The following SRRM3 variants were observed in gnomAD, a reference collection of about 807,000 sequenced individuals.
SRRM3 encodes serine/arginine repetitive matrix 3.
Under a neutral mutation model 66.2 loss-of-function variants are expected in SRRM3, and 27 were observed. The ratio of observed to expected loss-of-function variants is 0.41; its 90% CI spans 0.30 to 0.56. The LOEUF is 0.56. SRRM3 is among the 20% of genes least tolerant of loss of function. SRRM3 has a pLI of 0.32. For missense variants in SRRM3, 918 were observed against 991.9 expected (o/e 0.93, Z 1.00); for synonymous variants, 391 against 414.9 (o/e 0.94, Z 0.70).
intron 1 of SRRM3, among the ~76,000 whole-genome samples, chr7:76,205,088 G>C (rs1267357255): frequency 6.6e-6 from 1 of 151,896 alleles, no homozygotes; most frequent in Admixed American, 6.6e-5. Flanking sequence ...CCAAGGTGTT[G>C]GAACTGAGAA....
Position 76,232,938 on chromosome 7 carries a change from T to C in SRRM3, c.-39-2090T>C, listed in dbSNP as rs548304434. On this transcript the variant is annotated intron_variant, in intron 1 of 14. Transcript: ENST00000611745. ...ACCACAGAGAGGCAGTGGACCTGCA[T>C]GGAGGGAGGAGCTTGGGTCCACGTG... 3.7e-3 allele frequency among the ~76,000 whole-genome samples: 551 copies of C among 148,716 alleles called. 6 individuals are homozygous for C. The highest frequency in any genetic ancestry group is 0.013 in the African/African-American group (527 of 40,318).
intron 1 of SRRM3, among the ~76,000 whole-genome samples, chr7:76,229,743 T>C (rs1800965974): frequency 7.9e-6 from 1 of 126,854 alleles, no homozygotes; most frequent in South Asian, 2.3e-4. Flanking sequence ...TTCTTCTTCT[T>C]TTTTTTTTTT....
chr7:76,274,513 C>T (rs1328267233), intron 11 of SRRM3, among the ~76,000 whole-genome samples: 1 of 152,208 alleles, frequency 6.6e-6, no homozygotes, highest in Non-Finnish European at 1.5e-5. Flanking sequence ...CTGCCTGGTC[C>T]ATGATCCAAC....
At chr7:76,257,456 A>G (rs1583915681) in intron 3 of SRRM3, among the ~76,000 whole-genome samples, 1 of 151,134 alleles carries the variant, frequency 6.6e-6, no homozygotes, top group African/African-American at 2.4e-5. Flanking sequence ...AAAAAAAAAA[A>G]AAAAAAAAAG....
At chr7:76,275,100 A>C (rs2117096078) in intron 11 of SRRM3, among the ~76,000 whole-genome samples, 1 of 144,696 alleles carries the variant, frequency 6.9e-6, no homozygotes, top group Middle Eastern at 3.5e-3. Flanking sequence ...AACAAGACTC[A>C]GTCTCAAAAA....
chr7:76,211,816 CTATTATTATTATTAT>C lies in SRRM3; in HGVS notation c.-40+9776_-40+9790del, dbSNP rs60646233. Among the ~76,000 whole-genome samples the C allele has an allele frequency of 4.6e-3, 651 of 140,642 alleles. 4 individuals are homozygous for C. The highest frequency in any genetic ancestry group is 0.015 in the African/African-American group (580 of 38,324). The allele number at this position is 140,642 out of a possible 152,430, so 92.3% of individuals were successfully genotyped here. A position where few individuals can be genotyped will look rare whatever the true frequency, so the allele number is the denominator to read the frequency against. ...AATTTTATTATTATTACTATTACTACTATTATTATTATTATTATTATTATTATTATTATTATTATT... is the reference window on the plus strand; with the variant it reads ...AATTTTATTATTATTACTATTACTACTATTATTATTATTATTATTATTATT... On this transcript the variant is annotated intron_variant, in intron 1 of 14. Coordinates refer to ENST00000611745, the MANE Select transcript of SRRM3 (RefSeq NM_001110199.3).
chr7:76,203,814 C>T (rs533149029), intron 1 of SRRM3, among the ~76,000 whole-genome samples: 17 of 152,292 alleles, frequency 1.1e-4, no homozygotes, highest in African/African-American at 3.8e-4. Flanking sequence ...CTGTCCCATC[C>T]TCTGAGTATC....
chr7:76,252,360 C>T (rs1801600894), intron 3 of SRRM3, among the ~76,000 whole-genome samples: 1 of 152,196 alleles, frequency 6.6e-6, no homozygotes, highest in South Asian at 2.1e-4. Context: ...CTCACTCTGT[C>T]ATCCAGGCTG....
At chr7:76,236,320 A>AAG (rs1801153761) in intron 2 of SRRM3, among the ~76,000 whole-genome samples, 1 of 151,458 alleles carries the variant, frequency 6.6e-6, no homozygotes. Flanking sequence ...AAAAAAAAAA[A>AAG]AAAAGAAAAG....
intron 2 of SRRM3, among the ~76,000 whole-genome samples, chr7:76,237,306 C>T (rs1583894559): frequency 6.6e-6 from 1 of 152,206 alleles, no homozygotes; most frequent in Non-Finnish European, 1.5e-5. Flanking sequence ...GCTCAGGAGG[C>T]TGAGGCAGGA....
intron 1 of SRRM3, among the ~76,000 whole-genome samples, chr7:76,208,238 G>A (rs1800346735): frequency 6.6e-6 from 1 of 152,098 alleles, no homozygotes; most frequent in Admixed American, 6.6e-5. Context: ...ACCCAGAACT[G>A]GAATCTGGTG....
intron 2 of SRRM3, among the ~76,000 whole-genome samples, chr7:76,241,730 C>T (rs183505636): frequency 1.3e-5 from 2 of 152,246 alleles, no homozygotes; most frequent in Admixed American, 1.3e-4. Context: ...GGTCAAACTC[C>T]TGACTTCAAG....
Position 76,284,468 on chromosome 7 carries a change from G to A in SRRM3, c.1734-1147G>A, listed in dbSNP as rs1024095833. Among the ~76,000 whole-genome samples the A allele has an allele frequency of 1.2e-4, 19 of 152,234 alleles. 1 individual carries two copies. The highest frequency in any genetic ancestry group is 1.9e-4 in the East Asian group (1 of 5,168). On this transcript the variant is annotated intron_variant, in intron 14 of 14. Transcript: ENST00000611745. ...GGTGGGATTATAGGCGTGAGCCCCC[G>A]CGCCCGACCAAATTGTCCTACTTCT...
chr7:76,208,836 G>GAA (rs200421800), intron 1 of SRRM3, among the ~76,000 whole-genome samples: 1 of 93,676 alleles, frequency 1.1e-5, no homozygotes, highest in Admixed American at 1.5e-4. Context: ...AGAAGACCCT[G>GAA]AAAAAAAAAA....
intron 11 of SRRM3, among the ~76,000 whole-genome samples, chr7:76,280,390 T>C (rs1204780925): frequency 2.4e-5 from 3 of 127,120 alleles, no homozygotes; most frequent in Non-Finnish European, 3.3e-5. Flanking sequence ...GTGTGCCGTG[T>C]GACGCCCCCA....
At chr7:76,253,767 AC>A (rs1801639029) in intron 3 of SRRM3, among the ~76,000 whole-genome samples, 1 of 150,906 alleles carries the variant, frequency 6.6e-6, no homozygotes. Context: ...AGCCTGGGCA[AC>A]AAGAGTGAAA....
In SRRM3 at chr7:76,282,848, C is replaced by T. The variant is rs1554612196; in HGVS notation, c.1571C>T (p.Pro524Leu). 3 of 1,454,016 alleles carry T rather than the reference C, an allele frequency of 2.1e-6. No individual in the cohort carries two copies. The highest frequency in any genetic ancestry group is 3.1e-5 in the East Asian group (1 of 32,464). 90.1% of individuals were successfully genotyped at this position (1,454,016 alleles called of 1,614,324 possible). A position where few individuals can be genotyped will look rare whatever the true frequency, so the allele number is the denominator to read the frequency against. ...EKRPHSPSRS[P>L]SPKKPLSRDK... is the part of the protein sequence containing the mutation. Reference sequence around the variant, plus strand: ...CGGCCCCACAGCCCCAGCCGCTCGCCGTCGCCCAAGAAGCCCCTCAGCCGG... The same window carrying T: ...CGGCCCCACAGCCCCAGCCGCTCGCTGTCGCCCAAGAAGCCCCTCAGCCGG... The change falls in exon 13 of 15, where the codon CCG becomes CTG. Residue 524 changes from proline (P) to leucine (L), a missense_variant. Pro to Leu is a moderately conservative substitution (Grantham distance 98). Coordinates refer to ENST00000611745, the MANE Select transcript of SRRM3 (RefSeq NM_001110199.3).
At position 76,204,712 on chromosome 7, in the gene SRRM3, G is replaced by A. The variant is rs149918292; in HGVS notation, c.-40+2645G>A. 3.0e-3 allele frequency among the ~76,000 whole-genome samples: 462 copies of A among 152,232 alleles called. 5 individuals are homozygous for A. Among genetic ancestry groups the A allele is most frequent in the African/African-American group, 0.01 (435 of 41,540 alleles). Reference sequence around the variant, plus strand: ...TCTTTCTGGCCCTATCTCTGATCCTGGCTCCCTGTATGACCTTGAAGGGGT... The same window carrying A: ...TCTTTCTGGCCCTATCTCTGATCCTAGCTCCCTGTATGACCTTGAAGGGGT... On this transcript the variant is annotated intron_variant, in intron 1 of 14. Transcript: ENST00000611745.
At chr7:76,202,764 G>A (rs960114996) in intron 1 of SRRM3, among the ~76,000 whole-genome samples, 14 of 152,132 alleles carry the variant, frequency 9.2e-5, no homozygotes, top group African/African-American at 3.4e-4. Context: ...AAAGAAGAGA[G>A]CTGAGAAAAG....
Sources: gnomAD v4.1 joint callset for allele counts (sites outside exome capture counted in the v4.1 genomes callset) on GRCh38, gnomAD v4.1.1 for gene constraint, MANE v1.5 for transcripts, NCBI Gene and HGNC (gene_info 2026-07-23, HGNC 2026-07-21) for gene names.